Variants in EXT1 observed in about 807,000 individuals in gnomAD.
EXT1 encodes exostosin glycosyltransferase 1, also known as exostosin-1.
A neutral mutation model predicts 82.5 loss-of-function variants in EXT1; 20 were observed. That is an observed-to-expected ratio of 0.24 (90% CI 0.17 to 0.35). The LOEUF is 0.35. Ranked by LOEUF, EXT1 falls within the 10% of genes least tolerant of loss-of-function variation. EXT1 has a pLI of 1.00. For synonymous variants in EXT1, 348 were observed against 350.8 expected, an observed-to-expected ratio of 0.99 and a Z score of 0.09; for missense variants, 757 against 936.5, an observed-to-expected ratio of 0.81 and a Z score of 2.50.
chr8:117,822,458 C>G lies in EXT1; in HGVS notation c.1417+7G>C. 6.2e-7 allele frequency: 1 copy of G among 1,612,716 alleles called. No homozygotes were observed. The highest frequency in any genetic ancestry group is 8.5e-7 in the Non-Finnish European group (1 of 1,179,626). On this transcript the variant is annotated splice_region_variant and intron_variant, in intron 5 of 10. Transcript: ENST00000378204. The stretch of plus-strand genomic sequence containing the variant: ...CAAGGGCAACTCCCTGGAGGAAATT[C>G]ACTTACCTAAATTAGCATAGTAGTA...
intron 1 of EXT1, among the ~76,000 whole-genome samples, chr8:117,951,031 T>C (rs1432524002): frequency 1.3e-5 from 2 of 152,192 alleles, no homozygotes; most frequent in Admixed American, 1.3e-4. Context: ...ATGTCAGAAA[T>C]AATAATATGA....
intron 1 of EXT1, among the ~76,000 whole-genome samples, chr8:117,923,719 C>G (rs1156890697): frequency 6.7e-6 from 1 of 149,258 alleles, no homozygotes; most frequent in African/African-American, 2.5e-5. Context: ...GGGCGAGACT[C>G]TGTCTCAAAA....
chr8:118,005,107 T>A (rs751579739), intron 1 of EXT1, among the ~76,000 whole-genome samples: 1 of 152,200 alleles, frequency 6.6e-6, no homozygotes, highest in Non-Finnish European at 1.5e-5. Context: ...CAGTCAGGAC[T>A]TGAGGTCCAA....
rs181335609 is a variant in EXT1 at position 118,067,294 on chromosome 8, T to C, written c.962+42791A>G. ...GGAGTACCTATACCACCTCCAACAC[T>C]GTGTCTGGCTCATAGCAAGTGTTCA... On this transcript the variant is annotated intron_variant, in intron 1 of 10. Transcript: ENST00000378204. Among the ~76,000 whole-genome samples, 35 of 152,352 alleles carry C rather than the reference T, an allele frequency of 2.3e-4. No homozygotes were observed. In the East Asian group the frequency reaches 6.4e-3, roughly 28 times the overall value.
chr8:117,950,019 G>T (rs1055128707), intron 1 of EXT1, among the ~76,000 whole-genome samples: 3 of 152,128 alleles, frequency 2.0e-5, no homozygotes, highest in African/African-American at 7.2e-5. Flanking sequence ...GAGGTCAGGA[G>T]TCTGAGACCA....
At chr8:118,094,156 C>T (rs1459818556) in intron 1 of EXT1, among the ~76,000 whole-genome samples, 1 of 152,210 alleles carries the variant, frequency 6.6e-6, no homozygotes, top group Admixed American at 6.5e-5. Flanking sequence ...GAGGCAGGAA[C>T]AAGACCTCTG....
At chr8:117,866,476 A>G (rs548801014) in intron 1 of EXT1, among the ~76,000 whole-genome samples, 18 of 152,160 alleles carry the variant, frequency 1.2e-4, no homozygotes, top group African/African-American at 3.4e-4. Flanking sequence ...GGTTGTTTAT[A>G]AAATGGAGCA....
chr8:118,009,342 T>C (rs11562769), intron 1 of EXT1, among the ~76,000 whole-genome samples: 4,615 of 152,228 alleles, frequency 0.03, 217 homozygotes, highest in African/African-American at 0.1. Flanking sequence ...CAACAAAAAC[T>C]ATGCCAGGTC....
chr8:117,824,893 G>T (rs559241894), intron 4 of EXT1, among the ~76,000 whole-genome samples: 62 of 151,754 alleles, frequency 4.1e-4, no homozygotes, highest in African/African-American at 1.5e-3. Flanking sequence ...TTGAGACAGG[G>T]TCTCATTCAG....
Position 117,797,494 on chromosome 8 carries a change from G to C in EXT1, c.*2218C>G, listed in dbSNP as rs994929452. The stretch of plus-strand genomic sequence containing the variant: ...CTGGTACAATTAGGGACATTGCTTT[G>C]CAAGCCAATATGACCACCTAAGTTT... On this transcript the variant is annotated 3_prime_UTR_variant, in exon 11 of 11. Transcript: ENST00000378204. The C allele has an allele frequency of 3.3e-5, 5 of 152,176 alleles. No individual in the cohort carries two copies. Among genetic ancestry groups the C allele is most frequent in the African/African-American group, 1.2e-4 (5 of 41,448 alleles). 9.4% of individuals were successfully genotyped at this position (152,176 alleles called of 1,614,324 possible).
chr8:117,809,694 A>C (rs10955834), intron 8 of EXT1, among the ~76,000 whole-genome samples: 54,955 of 151,518 alleles, frequency 0.36, 10,730 homozygotes, highest in Admixed American at 0.51. Context: ...CGACATTAAG[A>C]AAGCTTGGTA....
At chr8:117,932,370 T>A (rs1437693181) in intron 1 of EXT1, among the ~76,000 whole-genome samples, 3 of 152,178 alleles carry the variant, frequency 2.0e-5, no homozygotes, top group African/African-American at 4.8e-5. Flanking sequence ...GATATTTTGT[T>A]CACAGAAGAC....
chr8:117,806,415 A>T (rs1298626726), intron 9 of EXT1, among the ~76,000 whole-genome samples: 1 of 152,036 alleles, frequency 6.6e-6, no homozygotes, highest in African/African-American at 2.4e-5. Flanking sequence ...CATGCTGTAC[A>T]TGTCACACCC....
chr8:118,029,466 T>C (rs1816268010), intron 1 of EXT1, among the ~76,000 whole-genome samples: 1 of 152,132 alleles, frequency 6.6e-6, no homozygotes, highest in South Asian at 2.1e-4. Flanking sequence ...TAATCCTCTT[T>C]TAAGGGCCAT....
intron 1 of EXT1, among the ~76,000 whole-genome samples, chr8:117,895,276 T>C (rs1813316159): frequency 6.6e-6 from 1 of 152,324 alleles, no homozygotes; most frequent in Admixed American, 6.5e-5. Flanking sequence ...TCTACGGACA[T>C]AAACCAGTCA....
intron 1 of EXT1, among the ~76,000 whole-genome samples, chr8:117,865,227 G>A (rs928255269): frequency 1.4e-4 from 22 of 152,160 alleles, no homozygotes; most frequent in African/African-American, 5.1e-4. Context: ...GTGTACAGTG[G>A]TGCAATTATG....
At chr8:117,883,602 G>C (rs1008602584) in intron 1 of EXT1, among the ~76,000 whole-genome samples, 12 of 152,292 alleles carry the variant, frequency 7.9e-5, no homozygotes, top group African/African-American at 2.9e-4. Context: ...TTTTCTTTCT[G>C]GCTTTCTAAG....
At chr8:117,833,811 C>T (rs1812141331) in intron 3 of EXT1, among the ~76,000 whole-genome samples, 1 of 152,016 alleles carries the variant, frequency 6.6e-6, no homozygotes, top group Non-Finnish European at 1.5e-5. Flanking sequence ...TTTAAAATAA[C>T]ATTTGAAAAA....
At chr8:117,890,024 T>C (rs956063358) in intron 1 of EXT1, among the ~76,000 whole-genome samples, 1 of 152,152 alleles carries the variant, frequency 6.6e-6, no homozygotes, top group Admixed American at 6.6e-5. Context: ...CATGAAAAAT[T>C]TGTCCCCCCA....
Sources: allele counts gnomAD v4.1 joint callset (sites outside exome capture counted in the v4.1 genomes callset), GRCh38; gene constraint gnomAD v4.1.1; transcripts MANE v1.5; gene names NCBI Gene and HGNC (gene_info 2026-07-23, HGNC 2026-07-21).